HPSE2: variants seen among roughly 807,000 people sequenced by gnomAD.
HPSE2 encodes heparanase 2 (inactive).
In HPSE2, 38 loss-of-function variants were observed where a neutral mutation model predicts 60.5. The observed-to-expected ratio is 0.63, with a 90% CI of 0.48 to 0.82. HPSE2 has a LOEUF of 0.82. Among genes scored for constraint, HPSE2 ranks in the 40% least tolerant of loss-of-function variants. The probability of loss-of-function intolerance (pLI) is 0.00; values close to 1 mark genes in which losing one functional copy is unlikely to be tolerated. For synonymous variants in HPSE2, 295 were observed against 293.2 expected, an observed-to-expected ratio of 1.01 and a Z score of -0.06; for missense variants, 713 against 740.4, an observed-to-expected ratio of 0.96 and a Z score of 0.43.
At chr10:99,286,699 C>A in the HPSE2 span, among the ~76,000 whole-genome samples, 1 of 151,924 alleles carries the variant, frequency 6.6e-6, no homozygotes, top group Non-Finnish European at 1.5e-5. Context: ...ATGTATATTT[C>A]ATCACAATAA....
chr10:98,635,828 C>T (rs1041611041), intron 7 of HPSE2, among the ~76,000 whole-genome samples: 4 of 148,816 alleles, frequency 2.7e-5, no homozygotes, highest in Non-Finnish European at 3.0e-5. Flanking sequence ...TATATATTTG[C>T]GGAATACTAT....
the HPSE2 span, among the ~76,000 whole-genome samples, chr10:99,261,368 C>T: frequency 6.6e-6 from 1 of 152,186 alleles, no homozygotes; most frequent in Non-Finnish European, 1.5e-5. Flanking sequence ...CTTACAGTTT[C>T]GTTCCTCGAA....
chr10:99,314,359 C>T, the HPSE2 span, among the ~76,000 whole-genome samples: 444 of 151,958 alleles, frequency 2.9e-3, 1 homozygote, highest in African/African-American at 0.01. Context: ...GACAGGGTTT[C>T]GCCATATTGC....
At chr10:98,615,835 G>C (rs545679539) in intron 8 of HPSE2, among the ~76,000 whole-genome samples, 28 of 152,154 alleles carry the variant, frequency 1.8e-4, no homozygotes, top group African/African-American at 6.7e-4. Flanking sequence ...ATAATACATA[G>C]AATAAATGTG....
intron 3 of HPSE2, among the ~76,000 whole-genome samples, chr10:99,116,978 G>T (rs1433920032): frequency 5.3e-5 from 8 of 151,962 alleles, no homozygotes; most frequent in African/African-American, 1.5e-4. Context: ...TCCCTAAACT[G>T]CTAACCTGGT....
chr10:99,191,581 A>G (rs1848224751), intron 2 of HPSE2, among the ~76,000 whole-genome samples: 1 of 152,254 alleles, frequency 6.6e-6, no homozygotes, highest in African/African-American at 2.4e-5. Context: ...CCCCTCATGC[A>G]GATATAGCTG....
At chr10:98,720,646 G>T (rs940767359) in intron 5 of HPSE2, among the ~76,000 whole-genome samples, 3 of 152,062 alleles carry the variant, frequency 2.0e-5, no homozygotes, top group African/African-American at 7.2e-5. Context: ...TAATTCAAAA[G>T]AAATAAATAA....
At chr10:98,515,189 TG>T (rs1408817398) in intron 9 of HPSE2, among the ~76,000 whole-genome samples, 1 of 152,148 alleles carries the variant, frequency 6.6e-6, no homozygotes, top group Non-Finnish European at 1.5e-5. Context: ...TTAAGGAGAC[TG>T]ATCTTAAGAC....
At chr10:98,672,974 A>G (rs1947544901) in intron 6 of HPSE2, among the ~76,000 whole-genome samples, 1 of 152,188 alleles carries the variant, frequency 6.6e-6, no homozygotes, top group Non-Finnish European at 1.5e-5. Context: ...ATGACTTTGA[A>G]TATCTGCATG....
At chr10:98,576,724 T>C (rs4919242) in intron 9 of HPSE2, among the ~76,000 whole-genome samples, 44,499 of 151,528 alleles carry the variant, frequency 0.29, 6,716 homozygotes, top group East Asian at 0.48. Flanking sequence ...TCTCCCCTCC[T>C]CCATCCTGTC....
At chr10:98,831,487 T>A (rs1589905124) in intron 3 of HPSE2, among the ~76,000 whole-genome samples, 1 of 152,212 alleles carries the variant, frequency 6.6e-6, no homozygotes, top group South Asian at 2.1e-4. Flanking sequence ...CAGGAAAAAC[T>A]TGGCTTATAC....
chr10:99,054,992 G>A (rs947376359), intron 3 of HPSE2, among the ~76,000 whole-genome samples: 2 of 152,072 alleles, frequency 1.3e-5, no homozygotes, highest in African/African-American at 4.8e-5. Context: ...GATTACAAGT[G>A]TGAGCCACTG....
the HPSE2 span, among the ~76,000 whole-genome samples, chr10:99,306,278 C>T: frequency 1.3e-5 from 2 of 152,104 alleles, no homozygotes; most frequent in Non-Finnish European, 2.9e-5. Context: ...AAGCCCTCCT[C>T]CTCCATTTTA....
chr10:98,535,454 G>A (rs1943254383), intron 9 of HPSE2, among the ~76,000 whole-genome samples: 1 of 152,078 alleles, frequency 6.6e-6, no homozygotes, highest in East Asian at 1.9e-4. Context: ...TGAGGGTGAT[G>A]CCAAATCATG....
intron 6 of HPSE2, among the ~76,000 whole-genome samples, chr10:98,645,010 G>A (rs1236627889): frequency 6.6e-6 from 1 of 152,064 alleles, no homozygotes. Context: ...GTCTAAATAA[G>A]GGAGGGAACA....
intron 3 of HPSE2, among the ~76,000 whole-genome samples, chr10:99,099,997 A>T (rs568721374): frequency 6.6e-6 from 1 of 152,338 alleles, no homozygotes; most frequent in East Asian, 1.9e-4. Flanking sequence ...TCTGTATGTC[A>T]CCATCATCAA....
intron 5 of HPSE2, among the ~76,000 whole-genome samples, chr10:98,721,240 A>C (rs1269786096): frequency 6.6e-6 from 1 of 151,616 alleles, no homozygotes; most frequent in East Asian, 1.9e-4. Context: ...CAGTATTTGT[A>C]GTGTTTTGCA....
chr10:98,582,334 T>C (rs145508769), intron 9 of HPSE2, among the ~76,000 whole-genome samples: 2 of 152,344 alleles, frequency 1.3e-5, no homozygotes, highest in Non-Finnish European at 2.9e-5. Context: ...AGAAATGTAT[T>C]TGCTCTTTTA....
chr10:98,675,447 G>A (rs1415643136), intron 6 of HPSE2, among the ~76,000 whole-genome samples: 2 of 151,912 alleles, frequency 1.3e-5, no homozygotes, highest in African/African-American at 4.8e-5. Flanking sequence ...GCTCACACCT[G>A]TAATCCCAGC....
Sources: allele counts gnomAD v4.1 joint callset (sites outside exome capture counted in the v4.1 genomes callset), GRCh38; gene constraint gnomAD v4.1.1; transcripts MANE v1.5; gene names NCBI Gene and HGNC (gene_info 2026-07-23, HGNC 2026-07-21).